TCF12: variants seen among roughly 807,000 people sequenced by gnomAD.
TCF12 encodes transcription factor 12.
A neutral mutation model predicts 86.0 loss-of-function variants in TCF12; 45 were observed. The observed-to-expected ratio is 0.52, with a 90% CI of 0.41 to 0.67. TCF12 has a LOEUF of 0.67. Among genes scored for constraint, TCF12 ranks in the 30% least tolerant of loss-of-function variants. The pLI, the probability that TCF12 is intolerant of heterozygous loss-of-function variation, is 0.00. For missense variants in TCF12, 881 were observed against 859.9 expected (o/e 1.02, Z -0.31); for synonymous variants, 330 against 299.6 (o/e 1.10, Z -1.05).
chr15:57,119,694 TAAAG>T (rs2051095246), intron 5 of TCF12, among the ~76,000 whole-genome samples: 1 of 152,064 alleles, frequency 6.6e-6, no homozygotes. Flanking sequence ...TTTTAACTCT[TAAAG>T]GAATGGGCAG....
At chr15:57,263,066 T>C (rs2060662818) in intron 17 of TCF12, 46 bp from the exon 18 acceptor site, 20 of 1,565,418 alleles carry the variant, frequency 1.3e-5, no homozygotes, top group Admixed American at 2.1e-5. Context: ...GTAATTCATA[T>C]ATGAGTCTCG....
chr15:56,945,463 C>CT (rs2060953755), intron 3 of TCF12, among the ~76,000 whole-genome samples: 1 of 151,758 alleles, frequency 6.6e-6, no homozygotes. Context: ...TTTATTTTTG[C>CT]TTATCTGAGA....
chr15:57,283,551 C>T (rs1367592007), intron 20 of TCF12, among the ~76,000 whole-genome samples: 2 of 152,236 alleles, frequency 1.3e-5, no homozygotes, highest in Non-Finnish European at 2.9e-5. Context: ...AGGCATGAGC[C>T]ACCTCGCCCA....
At position 57,288,601 on chromosome 15, in the gene TCF12, C is replaced by G. The variant is rs1274110093; in HGVS notation, c.*2456C>G. 1 of 152,432 alleles carries G rather than the reference C, an allele frequency of 6.6e-6. No individual in the cohort carries two copies. Among genetic ancestry groups the G allele is most frequent in the Non-Finnish European group, 1.5e-5 (1 of 68,034 alleles). The allele number at this position is 152,432 out of a possible 1,614,324, so 9.4% of individuals were successfully genotyped here. A position where few individuals can be genotyped will look rare whatever the true frequency, so the allele number is the denominator to read the frequency against. ...CCATCTCATTCGTCCCAGAAACACT[C>G]ACACTGCTTTTCCTAACTGCATTAC... is the stretch of plus-strand genomic sequence containing the variant. On this transcript the variant is annotated 3_prime_UTR_variant, in exon 21 of 21. Transcript: ENST00000333725.
chr15:57,110,573 G>A (rs1182373374), intron 5 of TCF12, among the ~76,000 whole-genome samples: 2 of 152,150 alleles, frequency 1.3e-5, no homozygotes, highest in African/African-American at 4.8e-5. Flanking sequence ...CTTTTAATTG[G>A]AGAAGCTGAG....
intron 16 of TCF12, among the ~76,000 whole-genome samples, chr15:57,258,999 A>C (rs1447458549): frequency 6.6e-6 from 1 of 152,134 alleles, no homozygotes; most frequent in African/African-American, 2.4e-5. Context: ...TTATGTGTCT[A>C]TGTTTCAACT....
rs1229500729 is a variant in TCF12 at position 57,252,317 on chromosome 15, T to G, written c.1189-104T>G. The G allele has an allele frequency of 3.7e-6, 3 of 806,182 alleles. No individual in the cohort carries two copies. In the African/African-American group the frequency reaches 5.2e-5, roughly 14 times the overall value. 49.9% of individuals were successfully genotyped at this position (806,182 alleles called of 1,614,324 possible). A position where few individuals can be genotyped will look rare whatever the true frequency, so the allele number is the denominator to read the frequency against. ...AGATCTCGCAAGTCTTGGCGTTAAC[T>G]TTACTAACATGTTATGCTGACATGC... On this transcript the variant is annotated intron_variant, in intron 14 of 20. Transcript: ENST00000333725.
intron 20 of TCF12, among the ~76,000 whole-genome samples, chr15:57,285,731 A>T (rs76295280): frequency 6.6e-6 from 1 of 152,170 alleles, no homozygotes; most frequent in Non-Finnish European, 1.5e-5. Flanking sequence ...TTATACGCCT[A>T]TAGTTTGTGA....
At chr15:57,065,206 A>G (rs1488307913) in intron 4 of TCF12, among the ~76,000 whole-genome samples, 2 of 152,214 alleles carry the variant, frequency 1.3e-5, no homozygotes, top group East Asian at 3.8e-4. Context: ...AGGCTGAGAA[A>G]GCTACATTGT....
chr15:57,166,499 G>C, intron 6 of TCF12, 33 bp downstream of exon 6: 1 of 1,581,070 alleles, frequency 6.3e-7, no homozygotes, highest in Non-Finnish European at 8.6e-7. Context: ...GCAATGAGAT[G>C]GTTTTTAAAC....
intron 18 of TCF12, among the ~76,000 whole-genome samples, chr15:57,268,853 A>G (rs1429188249): frequency 2.0e-5 from 3 of 151,412 alleles, no homozygotes; most frequent in African/African-American, 7.3e-5. Flanking sequence ...TTTCCTGAGA[A>G]GTTCTAATTT....
chr15:57,036,255 T>A (rs2066499664), intron 3 of TCF12, among the ~76,000 whole-genome samples: 1 of 150,648 alleles, frequency 6.6e-6, no homozygotes, highest in Admixed American at 6.9e-5. Flanking sequence ...TAGATAAAGG[T>A]TTTTTGTTTT....
intron 3 of TCF12, among the ~76,000 whole-genome samples, chr15:56,963,857 T>C (rs1393172280): frequency 1.3e-5 from 2 of 152,214 alleles, no homozygotes; most frequent in African/African-American, 4.8e-5. Flanking sequence ...TTCATGTATG[T>C]ATCGTAACTT....
intron 18 of TCF12, among the ~76,000 whole-genome samples, chr15:57,268,631 C>T (rs2060980337): frequency 6.6e-6 from 1 of 152,072 alleles, no homozygotes; most frequent in Admixed American, 6.6e-5. Flanking sequence ...TACATTATTT[C>T]AAGGTTCTGA....
intron 3 of TCF12, among the ~76,000 whole-genome samples, chr15:56,930,073 A>G (rs1429370207): frequency 6.6e-6 from 1 of 152,228 alleles, no homozygotes; most frequent in African/African-American, 2.4e-5. Flanking sequence ...GGTAGCTGAT[A>G]CAGTGAACAC....
chr15:56,952,338 GT>G (rs537416711), intron 3 of TCF12, among the ~76,000 whole-genome samples: 254 of 116,290 alleles, frequency 2.2e-3, no homozygotes, highest in Middle Eastern at 4.8e-3. Context: ...TTCCAGATTT[GT>G]TTTTTTTTTT....
intron 3 of TCF12, among the ~76,000 whole-genome samples, chr15:56,994,683 C>G (rs1470723581): frequency 6.6e-6 from 1 of 151,936 alleles, no homozygotes; most frequent in African/African-American, 2.4e-5. Flanking sequence ...TTGTTCAGTA[C>G]TGAAAGAAAA....
chr15:56,941,373 A>ATT (rs34543266), intron 3 of TCF12, among the ~76,000 whole-genome samples: 122 of 143,194 alleles, frequency 8.5e-4, no homozygotes, highest in South Asian at 3.2e-3. Flanking sequence ...TCTCAAAAAA[A>ATT]TTTTTTTTTT....
At chr15:57,139,580 A>T (rs539116468) in intron 5 of TCF12, among the ~76,000 whole-genome samples, 1 of 152,260 alleles carries the variant, frequency 6.6e-6, no homozygotes, top group Admixed American at 6.5e-5. Flanking sequence ...CTAAACCACC[A>T]GGGAGATCTT....
Sources: allele counts gnomAD v4.1 joint callset (sites outside exome capture counted in the v4.1 genomes callset), GRCh38; gene constraint gnomAD v4.1.1; transcripts MANE v1.5; gene names NCBI Gene and HGNC (gene_info 2026-07-23, HGNC 2026-07-21).